PLXNA2: variants seen among roughly 807,000 people sequenced by gnomAD.
The protein encoded by PLXNA2 is plexin-A2.
Under a neutral mutation model 193.5 loss-of-function variants are expected in PLXNA2, and 91 were observed. That is an observed-to-expected ratio of 0.47 (90% CI 0.40 to 0.56). The LOEUF is 0.56. PLXNA2 is among the 20% of genes least tolerant of loss of function. The pLI is 0.00. For missense variants in PLXNA2, 1,995 were observed against 2,503.2 expected (o/e 0.80, Z 4.33); for synonymous variants, 997 against 1,027.3 (o/e 0.97, Z 0.56).
chr1:208,233,628 C>T (rs1157251941), intron 1 of PLXNA2, among the ~76,000 whole-genome samples: 1 of 152,204 alleles, frequency 6.6e-6, no homozygotes, highest in African/African-American at 2.4e-5. Flanking sequence ...CAAGCTGGGG[C>T]GACCCTCCCT....
chr1:208,078,163 G>C (rs1666220613), intron 12 of PLXNA2, among the ~76,000 whole-genome samples: 1 of 152,206 alleles, frequency 6.6e-6, no homozygotes, highest in Admixed American at 6.5e-5. Context: ...CATCTGTACA[G>C]TGGGGGTGAG....
chr1:208,199,974 C>T (rs781379105), intron 3 of PLXNA2, among the ~76,000 whole-genome samples: 12 of 152,242 alleles, frequency 7.9e-5, no homozygotes, highest in African/African-American at 1.2e-4. Context: ...TGCTTGATAG[C>T]GTCAATCTTA....
chr1:208,239,051 G>A (rs1192052353), intron 1 of PLXNA2, among the ~76,000 whole-genome samples: 2 of 152,112 alleles, frequency 1.3e-5, no homozygotes, highest in East Asian at 3.9e-4. Flanking sequence ...ACAGACAGAG[G>A]CCCAAAGGTC....
intron 3 of PLXNA2, among the ~76,000 whole-genome samples, chr1:208,185,720 G>GAAAAAAAAAAAAAAC (rs79068594): frequency 1.2e-5 from 1 of 81,770 alleles, no homozygotes; most frequent in Non-Finnish European, 2.5e-5. Flanking sequence ...AAAAAAAAAG[G>GAAAAAAAAAAAAAAC]AAAAAAAAAA....
intron 3 of PLXNA2, among the ~76,000 whole-genome samples, chr1:208,166,953 AC>A (rs1669329713): frequency 6.6e-6 from 1 of 152,264 alleles, no homozygotes; most frequent in South Asian, 2.1e-4. Context: ...GCAACTCCGC[AC>A]CTGAGTCTGC....
At chr1:208,075,715 A>T (rs1278024860) in intron 12 of PLXNA2, among the ~76,000 whole-genome samples, 3 of 151,750 alleles carry the variant, frequency 2.0e-5, no homozygotes, top group Non-Finnish European at 2.9e-5. Flanking sequence ...TACATTTTTT[A>T]GTTGGAATCT....
At chr1:208,111,999 A>C (rs1411132588) in intron 4 of PLXNA2, among the ~76,000 whole-genome samples, 1 of 152,204 alleles carries the variant, frequency 6.6e-6, no homozygotes, top group Non-Finnish European at 1.5e-5. Flanking sequence ...CTATCTGGAG[A>C]CCTGAGGGCG....
intron 3 of PLXNA2, among the ~76,000 whole-genome samples, chr1:208,153,647 C>A (rs1620156): frequency 0.32 from 48,184 of 151,864 alleles, 8,048 homozygotes; most frequent in Middle Eastern, 0.39. Flanking sequence ...AGCCTGCTGG[C>A]TCAGACAGGT....
At chr1:208,211,489 C>T (rs921071894) in intron 2 of PLXNA2, among the ~76,000 whole-genome samples, 3 of 152,104 alleles carry the variant, frequency 2.0e-5, no homozygotes, top group Admixed American at 6.5e-5. Context: ...GTCAGGAGAT[C>T]GAGACCATTC....
chr1:208,211,651 C>A (rs1670955312), intron 2 of PLXNA2, among the ~76,000 whole-genome samples: 1 of 150,944 alleles, frequency 6.6e-6, no homozygotes, highest in Non-Finnish European at 1.5e-5. Context: ...CGAGATTGCG[C>A]CACTGCACTC....
At chr1:208,060,109 A>G (rs1571872451) in intron 13 of PLXNA2, among the ~76,000 whole-genome samples, 1 of 151,752 alleles carries the variant, frequency 6.6e-6, no homozygotes, top group Admixed American at 6.6e-5. Flanking sequence ...CTTCGTGCCC[A>G]CCTCCTGCCC....
rs1666446608 is a variant in PLXNA2 at position 208,084,494 on chromosome 1, G to A, written c.2184C>T (p.Pro728=). The change falls in exon 10 of 32, where the codon CCC becomes CCT. Residue 728 remains proline (P), a synonymous_variant. Transcript: ENST00000367033. The stretch of plus-strand genomic sequence containing the variant: ...AGCCTCGCTGGCCGGACTGCGGCTG[G>A]GGCAGATTTCGCGCCTTAAGGGTGA... ...KPITLKARNL[P]QPQSGQRGYE... is the part of the protein sequence containing the mutation. The A allele has an allele frequency of 6.2e-7, 1 of 1,614,122 alleles. No individual in the cohort carries two copies. The highest frequency in any genetic ancestry group is 1.1e-5 in the South Asian group (1 of 91,090).
At chr1:208,189,755 G>A (rs1670118995) in intron 3 of PLXNA2, among the ~76,000 whole-genome samples, 1 of 152,114 alleles carries the variant, frequency 6.6e-6, no homozygotes, top group African/African-American at 2.4e-5. Context: ...TTTGAACCAA[G>A]ATAGTCTGAT....
intron 3 of PLXNA2, among the ~76,000 whole-genome samples, chr1:208,145,254 C>T (rs1045207310): frequency 6.6e-6 from 1 of 152,120 alleles, no homozygotes; most frequent in African/African-American, 2.4e-5. Flanking sequence ...GGGAAAGTGT[C>T]CCAGTGCTTC....
At position 208,051,403 on chromosome 1, in the gene PLXNA2, A is replaced by G. The variant is rs1335404891; in HGVS notation, c.3014T>C (p.Val1005Ala). 2 of 1,611,322 alleles carry G rather than the reference A, an allele frequency of 1.2e-6. No homozygotes were observed. The highest frequency in any genetic ancestry group is 1.1e-5 in the South Asian group (1 of 90,292). ...EFYGRSMSEIVCVSPPSSNGL... is the reference protein window; with the variant it reads ...EFYGRSMSEIACVSPPSSNGL... ...ATTGGATGATGGGGGTGAGACACAC[A>G]CGATCTCACTCATTGACCTCCTGAC... The change falls in exon 16 of 32, where the codon GTG becomes GCG. Residue 1005 changes from valine (V) to alanine (A), a missense_variant. Val to Ala is a moderately conservative substitution (Grantham distance 64, BLOSUM62 0). This residue lies in a region of PLXNA2 where 1,291 missense variants were observed against 1,673.6 expected (regional missense o/e 0.77). Transcript: ENST00000367033.
intron 29 of PLXNA2, chr1:208,031,255 A>G (rs1206630303): frequency 2.7e-6 from 3 of 1,130,910 alleles, no homozygotes; most frequent in Non-Finnish European, 3.3e-6. Flanking sequence ...AGCTCTTTGC[A>G]TAGGTTCCCC....
intron 3 of PLXNA2, among the ~76,000 whole-genome samples, chr1:208,178,596 C>T (rs1049684535): frequency 1.3e-5 from 2 of 152,198 alleles, no homozygotes; most frequent in African/African-American, 4.8e-5. Context: ...CAGCACTCCC[C>T]CATCTCACAC....
intron 3 of PLXNA2, among the ~76,000 whole-genome samples, chr1:208,160,009 C>T (rs900714204): frequency 6.6e-6 from 1 of 152,162 alleles, no homozygotes; most frequent in Non-Finnish European, 1.5e-5. Flanking sequence ...TCCAGATGGG[C>T]TATCAGGTTT....
intron 7 of PLXNA2, 108 bp from the exon 8 acceptor site, chr1:208,096,233 G>C: frequency 1.2e-6 from 1 of 821,468 alleles, no homozygotes; most frequent in Non-Finnish European, 2.0e-6. Context: ...GGCTCTCTTA[G>C]GATGTAGATA....
Sources: allele counts gnomAD v4.1 joint callset (sites outside exome capture counted in the v4.1 genomes callset), GRCh38; gene constraint gnomAD v4.1.1; regional missense constraint gnomAD v4.1.1; transcripts MANE v1.5; gene names NCBI Gene and HGNC (gene_info 2026-07-23, HGNC 2026-07-21).